GRIK4: variants seen among roughly 807,000 people sequenced by gnomAD.
GRIK4 encodes the protein glutamate ionotropic receptor kainate type subunit 4.
A neutral mutation model predicts 104.9 loss-of-function variants in GRIK4; 40 were observed. The observed-to-expected ratio is 0.38, with a 90% CI of 0.30 to 0.50. GRIK4 has a LOEUF of 0.50. GRIK4 is among the 20% of genes least tolerant of loss of function. The pLI, the probability that GRIK4 is intolerant of heterozygous loss-of-function variation, is 0.93. For missense variants in GRIK4, 1,047 were observed against 1,308.1 expected (o/e 0.80, Z 3.08); for synonymous variants, 485 against 524.9 (o/e 0.92, Z 1.04).
At chr11:120,971,091 C>A (rs995665150) in intron 19 of GRIK4, among the ~76,000 whole-genome samples, 2 of 152,144 alleles carry the variant, frequency 1.3e-5, no homozygotes. Flanking sequence ...GAATTTTATT[C>A]CAAAATCTAG....
chr11:120,943,484 G>A (rs1943778327), intron 14 of GRIK4, among the ~76,000 whole-genome samples: 1 of 152,116 alleles, frequency 6.6e-6, no homozygotes, highest in Non-Finnish European at 1.5e-5. Flanking sequence ...GAGGGCCTTA[G>A]GAAGATCTGC....
intron 6 of GRIK4, among the ~76,000 whole-genome samples, chr11:120,823,825 G>A (rs1005961918): frequency 2.0e-5 from 3 of 152,218 alleles, no homozygotes. Context: ...GACTTGGCAG[G>A]CACACAACAC....
intron 13 of GRIK4, among the ~76,000 whole-genome samples, chr11:120,911,843 C>CAAAAAAAAA (rs200523419): frequency 7.9e-6 from 1 of 125,828 alleles, no homozygotes; most frequent in Non-Finnish European, 1.7e-5. Flanking sequence ...GACTCCATCT[C>CAAAAAAAAA]AAAAAAAAAA....
chr11:120,937,728 T>C (rs1943629056), intron 13 of GRIK4, among the ~76,000 whole-genome samples: 1 of 152,214 alleles, frequency 6.6e-6, no homozygotes. Flanking sequence ...CCTTGGCATG[T>C]GGTCATTCTC....
intron 1 of GRIK4, among the ~76,000 whole-genome samples, chr11:120,537,729 AGCTTCAGTCTTG>A (rs2136085548): frequency 6.6e-6 from 1 of 152,324 alleles, no homozygotes; most frequent in South Asian, 2.1e-4. Context: ...CTTTACCTAC[AGCTTCAGTCTTG>A]GCCCAGTGCC....
chr11:120,632,508 G>A (rs542251171), intron 1 of GRIK4, among the ~76,000 whole-genome samples: 3 of 152,142 alleles, frequency 2.0e-5, no homozygotes, highest in East Asian at 1.9e-4. Context: ...CTTAGAACCC[G>A]AGGGTCTCAC....
At position 120,967,441 on chromosome 11, in the gene GRIK4, A is replaced by G; in HGVS notation, c.2395+118A>G. 1 of 1,072,382 alleles carries G rather than the reference A, an allele frequency of 9.3e-7. No homozygotes were observed. The highest frequency in any genetic ancestry group is 1.7e-5 in the South Asian group (1 of 57,378). 66.4% of individuals were successfully genotyped at this position (1,072,382 alleles called of 1,614,324 possible). ...AGGACCCATTGAGAACGGCCTTGGA[A>G]GGAACCTAGGTATAAAGTGGGCTGG... On this transcript the variant is annotated intron_variant, in intron 19 of 20. Coordinates refer to ENST00000527524, the MANE Select transcript of GRIK4 (RefSeq NM_014619.5). The surrounding 1 kb of genome is among the most constrained non-coding windows in gnomAD (Gnocchi z 4.2).
chr11:120,755,263 C>T (rs780160706), intron 3 of GRIK4, among the ~76,000 whole-genome samples: 4 of 151,940 alleles, frequency 2.6e-5, no homozygotes, highest in Admixed American at 6.6e-5. Context: ...AGGGCCTGAG[C>T]GCTAATGGCA....
chr11:120,807,113 A>G (rs1418843220), intron 4 of GRIK4, among the ~76,000 whole-genome samples: 2 of 152,068 alleles, frequency 1.3e-5, no homozygotes, highest in Admixed American at 6.5e-5. Flanking sequence ...AATAACAGAG[A>G]TGGACAAGAC....
chr11:120,799,873 GTT>G (rs1214477967), intron 3 of GRIK4, among the ~76,000 whole-genome samples: 1 of 152,106 alleles, frequency 6.6e-6, no homozygotes, highest in African/African-American at 2.4e-5. Flanking sequence ...TTGTGACAGA[GTT>G]TTGCTCTTGT....
chr11:120,770,687 C>T (rs1407964686), intron 3 of GRIK4, among the ~76,000 whole-genome samples: 1 of 152,224 alleles, frequency 6.6e-6, no homozygotes, highest in African/African-American at 2.4e-5. Context: ...TGCCCCGCCC[C>T]TGCCAAACTC....
At chr11:120,960,838 G>A in intron 16 of GRIK4, 71 bp from the exon 17 acceptor site, 1 of 1,213,118 alleles carries the variant, frequency 8.2e-7, no homozygotes, top group South Asian at 1.4e-5. Flanking sequence ...GTCACAGCAG[G>A]ACTGGGGTCA....
At chr11:120,836,719 G>A (rs968347382) in intron 7 of GRIK4, 72 bp from the exon 8 acceptor site, 5 of 933,094 alleles carry the variant, frequency 5.4e-6, no homozygotes, top group Non-Finnish European at 7.1e-6. Flanking sequence ...TAGACACTTG[G>A]AACCCCTACT....
chr11:120,635,653 GA>G (rs1949388498), intron 1 of GRIK4, among the ~76,000 whole-genome samples: 1 of 152,230 alleles, frequency 6.6e-6, no homozygotes, highest in Admixed American at 6.5e-5. Flanking sequence ...AATGGGGTGT[GA>G]TGAGTGTTTG....
At chr11:120,954,107 G>A (rs754121455) in intron 15 of GRIK4, among the ~76,000 whole-genome samples, 23 of 152,162 alleles carry the variant, frequency 1.5e-4, no homozygotes, top group African/African-American at 4.3e-4. Context: ...TGGAGCTGCC[G>A]CATGGTAAGC....
intron 1 of GRIK4, among the ~76,000 whole-genome samples, chr11:120,637,573 C>A (rs75123010): frequency 2.0e-5 from 3 of 152,180 alleles, no homozygotes; most frequent in Non-Finnish European, 2.9e-5. Context: ...TGCTCAGATT[C>A]CAGCAACAGC....
At chr11:120,543,746 T>A (rs531546977) in intron 1 of GRIK4, among the ~76,000 whole-genome samples, 1 of 152,312 alleles carries the variant, frequency 6.6e-6, no homozygotes, top group South Asian at 2.1e-4. Flanking sequence ...AGAGTGTTCC[T>A]CTTGGAAGAA....
rs1944757860 is a variant in GRIK4, at chr11:120,986,528, G to C, written c.*268G>C. 2.2e-6 allele frequency: 1 copy of C among 457,800 alleles called. No homozygotes were observed. Among genetic ancestry groups the C allele is most frequent in the African/African-American group, 2.1e-5 (1 of 47,714 alleles). The allele number at this position is 457,800 out of a possible 1,614,324, so 28.4% of individuals were successfully genotyped here. On this transcript the variant is annotated 3_prime_UTR_variant, in exon 21 of 21. Transcript: ENST00000527524. ...GCACAAGGACCCATCTTCTCCCAGT[G>C]GGTCTTTCCCTCTCGCCAAAATAAC...
At chr11:120,963,325 G>A (rs941665200) in intron 18 of GRIK4, among the ~76,000 whole-genome samples, 1 of 152,188 alleles carries the variant, frequency 6.6e-6, no homozygotes. Flanking sequence ...CTTCCAGAAA[G>A]GTGTCCTAGC....
Sources: allele counts gnomAD v4.1 joint callset (sites outside exome capture counted in the v4.1 genomes callset), GRCh38; gene constraint gnomAD v4.1.1; non-coding constraint Gnocchi (gnomAD v3.1); transcripts MANE v1.5; gene names NCBI Gene and HGNC (gene_info 2026-07-23, HGNC 2026-07-21).